Variants in BABAM2 observed in about 807,000 individuals in gnomAD.
BABAM2 encodes BRISC and BRCA1-A complex member 2.
BABAM2 carries 31 observed loss-of-function variants against 54.7 expected under a neutral mutation model. That is an observed-to-expected ratio of 0.57 (90% confidence interval 0.43 to 0.77). BABAM2 has a LOEUF of 0.77. BABAM2 is among the 30% of genes least tolerant of loss of function. The pLI is 0.00. For missense variants in BABAM2, 364 were observed against 455.8 expected, an observed-to-expected ratio of 0.80 and a Z score of 1.83; for synonymous variants, 167 against 162.9, an observed-to-expected ratio of 1.03 and a Z score of -0.19.
At chr2:28,102,951 T>TTA (rs1430093294) in intron 6 of BABAM2, among the ~76,000 whole-genome samples, 64 of 152,188 alleles carry the variant, frequency 4.2e-4, no homozygotes, top group African/African-American at 1.5e-3. Flanking sequence ...AAATAATGAT[T>TTA]TTACAAACTG....
intron 1 of BABAM2, among the ~76,000 whole-genome samples, chr2:27,893,615 G>A (rs1220909879): frequency 1.3e-5 from 2 of 152,080 alleles, no homozygotes; most frequent in Admixed American, 6.6e-5. Flanking sequence ...TTAAACCCTG[G>A]GGATTCAAAA....
intron 4 of BABAM2, among the ~76,000 whole-genome samples, chr2:28,012,842 T>C (rs1211176674): frequency 1.3e-5 from 2 of 152,256 alleles, no homozygotes; most frequent in African/African-American, 4.8e-5. Context: ...GCCTACTTTC[T>C]TTCTCTTAAT....
intron 6 of BABAM2, among the ~76,000 whole-genome samples, chr2:28,122,226 G>C (rs1669136946): frequency 6.6e-6 from 1 of 152,030 alleles, no homozygotes; most frequent in African/African-American, 2.4e-5. Context: ...CATAACTTTT[G>C]TATGATGAAG....
chr2:28,256,640 G>A (rs115764064), intron 10 of BABAM2, among the ~76,000 whole-genome samples: 3 of 150,858 alleles, frequency 2.0e-5, no homozygotes, highest in Admixed American at 6.6e-5. Context: ...GACTAGAAAC[G>A]AAATTCCTTA....
At chr2:28,331,556 A>G (rs774624210) in intron 11 of BABAM2, among the ~76,000 whole-genome samples, 15 of 152,270 alleles carry the variant, frequency 9.9e-5, no homozygotes, top group Non-Finnish European at 2.2e-4. Context: ...GCCAAGAAAT[A>G]TATGAAAAAA....
intron 10 of BABAM2, among the ~76,000 whole-genome samples, chr2:28,268,327 TAAAC>T (rs572018904): frequency 2.6e-3 from 403 of 152,234 alleles, no homozygotes; most frequent in African/African-American, 9.4e-3. Context: ...GAAGGAGTGA[TAAAC>T]AGGCATTTTA....
chr2:27,918,366 A>T (rs1323598349), intron 2 of BABAM2, among the ~76,000 whole-genome samples: 2 of 152,170 alleles, frequency 1.3e-5, no homozygotes, highest in Admixed American at 1.3e-4. Flanking sequence ...TATTTCACTT[A>T]GCATAAGGTC....
At chr2:27,951,697 A>T (rs544470745) in intron 3 of BABAM2, among the ~76,000 whole-genome samples, 1 of 151,900 alleles carries the variant, frequency 6.6e-6, no homozygotes, top group Admixed American at 6.6e-5. Flanking sequence ...TTAGTTTTCA[A>T]TTTTTTCAAT....
intron 7 of BABAM2, among the ~76,000 whole-genome samples, chr2:28,176,569 C>CAAAAAAAAAAAA (rs778275011): frequency 0.011 from 55 of 5,040 alleles, 20 homozygotes; most frequent in Admixed American, 0.02. Context: ...GACTCTATCT[C>CAAAAAAAAAAAA]AAAAAAAAAA....
At chr2:27,962,872 CTACT>C (rs1407319925) in intron 3 of BABAM2, among the ~76,000 whole-genome samples, 2 of 152,124 alleles carry the variant, frequency 1.3e-5, no homozygotes, top group African/African-American at 2.4e-5. Context: ...GCATATGTAG[CTACT>C]ATCATTAAAA....
chr2:28,175,862 C>T (rs1674879683), intron 7 of BABAM2, among the ~76,000 whole-genome samples: 2 of 152,216 alleles, frequency 1.3e-5, no homozygotes, highest in Admixed American at 1.3e-4. Flanking sequence ...CCACTGCTGC[C>T]AGAGAACTGG....
intron 6 of BABAM2, among the ~76,000 whole-genome samples, chr2:28,092,775 GCT>G (rs1187515025): frequency 5.6e-4 from 70 of 124,676 alleles, no homozygotes; most frequent in Non-Finnish European, 6.9e-4. Context: ...TCTCTCTCAC[GCT>G]CTCTCTCTCT....
intron 7 of BABAM2, among the ~76,000 whole-genome samples, chr2:28,148,480 G>A (rs527936833): frequency 9.8e-4 from 149 of 152,366 alleles, no homozygotes; most frequent in African/African-American, 3.5e-3. Flanking sequence ...TACTGAAGGA[G>A]TCCATCAAGC....
chr2:28,214,452 A>G (rs1002778561), intron 7 of BABAM2, among the ~76,000 whole-genome samples: 6 of 152,132 alleles, frequency 3.9e-5, no homozygotes, highest in African/African-American at 1.4e-4. Flanking sequence ...AATCTTGTTG[A>G]CCTTGTGTTC....
chr2:28,333,318 C>T (rs1691126834), intron 11 of BABAM2, among the ~76,000 whole-genome samples: 1 of 152,184 alleles, frequency 6.6e-6, no homozygotes, highest in African/African-American at 2.4e-5. Context: ...GCTCCAGAGC[C>T]TGCCCCGCAC....
intron 11 of BABAM2, among the ~76,000 whole-genome samples, chr2:28,301,759 T>C (rs1558513052): frequency 6.6e-6 from 1 of 152,228 alleles, no homozygotes; most frequent in Non-Finnish European, 1.5e-5. Flanking sequence ...CATACTGCTT[T>C]GGAATCTCTT....
At chr2:27,960,453 GT>G (rs930123110) in intron 3 of BABAM2, among the ~76,000 whole-genome samples, 271 of 148,630 alleles carry the variant, frequency 1.8e-3, no homozygotes, top group Non-Finnish European at 2.5e-3. Flanking sequence ...GATTGGTGTG[GT>G]TTTTTTTTTC....
chr2:27,946,638 GAGAA>G (rs1467298287), intron 3 of BABAM2, among the ~76,000 whole-genome samples: 2 of 152,032 alleles, frequency 1.3e-5, no homozygotes, highest in Non-Finnish European at 2.9e-5. Flanking sequence ...TAGAGAGAGA[GAGAA>G]AGAGAGGCGA....
At chr2:27,980,537 A>G (rs899015227) in intron 3 of BABAM2, among the ~76,000 whole-genome samples, 5 of 152,312 alleles carry the variant, frequency 3.3e-5, no homozygotes, top group Admixed American at 1.3e-4. Flanking sequence ...TATTTCAAAG[A>G]GGCTGTACAG....
Sources: gnomAD v4.1 joint callset for allele counts (sites outside exome capture counted in the v4.1 genomes callset) on GRCh38, gnomAD v4.1.1 for gene constraint, MANE v1.5 for transcripts, NCBI Gene and HGNC (gene_info 2026-07-23, HGNC 2026-07-21) for gene names.